Variants in CTNNA3 observed in about 807,000 individuals in gnomAD.
CTNNA3 encodes the protein catenin alpha 3.
CTNNA3 carries 76 observed loss-of-function variants against 95.7 expected under a neutral mutation model. That is an observed-to-expected ratio of 0.79 (90% CI 0.66 to 0.96). The LOEUF (loss-of-function observed/expected upper bound fraction) is 0.96, where lower values mean the gene tolerates loss of function less well. CTNNA3 is among the 40% of genes least tolerant of loss of function. CTNNA3 has a pLI of 0.00. For missense variants in CTNNA3, 1,191 were observed against 1,089.8 expected (o/e 1.09, Z -1.31); for synonymous variants, 431 against 374.4 (o/e 1.15, Z -1.74).
chr10:67,608,250 A>T (rs1416779751), intron 2 of CTNNA3, among the ~76,000 whole-genome samples: 1 of 152,200 alleles, frequency 6.6e-6, no homozygotes, highest in African/African-American at 2.4e-5. Context: ...TCCCTCTCCT[A>T]ATATTAGTTA....
chr10:66,257,990 C>T (rs934751323), intron 13 of CTNNA3, among the ~76,000 whole-genome samples: 1 of 152,104 alleles, frequency 6.6e-6, no homozygotes, highest in Non-Finnish European at 1.5e-5. Flanking sequence ...TTTTGAATGG[C>T]AAATAACTTA....
chr10:66,065,151 AG>A (rs1473324050), intron 15 of CTNNA3, among the ~76,000 whole-genome samples: 1 of 152,180 alleles, frequency 6.6e-6, no homozygotes, highest in African/African-American at 2.4e-5. Context: ...TGGCCAAAAA[AG>A]GCTAATCTGA....
At chr10:67,511,475 C>T (rs1003994225) in intron 5 of CTNNA3, among the ~76,000 whole-genome samples, 1 of 152,114 alleles carries the variant, frequency 6.6e-6, no homozygotes, top group Non-Finnish European at 1.5e-5. Context: ...GTAGTCGGTT[C>T]TGTTTATGTG....
At chr10:67,231,026 G>T (rs1049160594) in intron 5 of CTNNA3, among the ~76,000 whole-genome samples, 1 of 152,174 alleles carries the variant, frequency 6.6e-6, no homozygotes, top group Non-Finnish European at 1.5e-5. Context: ...AGGGTCCTAC[G>T]CCCACCGAGT....
At chr10:65,937,939 C>A (rs1021255854) in intron 17 of CTNNA3, among the ~76,000 whole-genome samples, 2 of 152,018 alleles carry the variant, frequency 1.3e-5, no homozygotes, top group Non-Finnish European at 2.9e-5. Flanking sequence ...AAAACAGGTT[C>A]AGATGGACTG....
At chr10:66,776,861 T>C (rs1200628357) in intron 7 of CTNNA3, among the ~76,000 whole-genome samples, 3 of 152,206 alleles carry the variant, frequency 2.0e-5, no homozygotes, top group African/African-American at 7.2e-5. Context: ...AGAATCCTGA[T>C]ATTGGCAAAT....
intron 11 of CTNNA3, among the ~76,000 whole-genome samples, chr10:66,459,307 A>G (rs10997138): frequency 0.11 from 17,338 of 152,136 alleles, 1,391 homozygotes; most frequent in African/African-American, 0.23. Context: ...GTCAACAGTG[A>G]GTATGTGTAG....
At chr10:66,135,550 A>G (rs757556000) in intron 13 of CTNNA3, among the ~76,000 whole-genome samples, 5 of 152,194 alleles carry the variant, frequency 3.3e-5, no homozygotes, top group Non-Finnish European at 7.3e-5. Flanking sequence ...GAATAAAATA[A>G]AATCACTATT....
At chr10:66,282,097 T>C (rs2091503307) in intron 12 of CTNNA3, among the ~76,000 whole-genome samples, 1 of 151,908 alleles carries the variant, frequency 6.6e-6, no homozygotes, top group Admixed American at 6.6e-5. Flanking sequence ...ATGGCTATCA[T>C]CAGGGTAACT....
chr10:67,724,838 C>T (rs1309141393), intron 1 of CTNNA3, among the ~76,000 whole-genome samples: 1 of 152,122 alleles, frequency 6.6e-6, no homozygotes, highest in Non-Finnish European at 1.5e-5. Context: ...TATCCAAGTG[C>T]AGGAAGCCTA....
intron 11 of CTNNA3, among the ~76,000 whole-genome samples, chr10:66,470,844 T>C (rs1252132432): frequency 6.6e-6 from 1 of 151,790 alleles, no homozygotes; most frequent in African/African-American, 2.4e-5. Flanking sequence ...AAGAATAGAC[T>C]GCATGAGGTA....
intron 11 of CTNNA3, among the ~76,000 whole-genome samples, chr10:66,482,072 T>A (rs1232242436): frequency 7.2e-5 from 11 of 152,180 alleles, no homozygotes; most frequent in Admixed American, 7.2e-4. Flanking sequence ...GAAGATATAT[T>A]CTAGCTGAAA....
chr10:66,511,922 T>C (rs1840676221), intron 11 of CTNNA3, among the ~76,000 whole-genome samples: 1 of 151,958 alleles, frequency 6.6e-6, no homozygotes, highest in African/African-American at 2.4e-5. Flanking sequence ...TTGTTGACTT[T>C]CTGTATAGAT....
At chr10:65,929,120 G>A (rs1310430597) in intron 17 of CTNNA3, among the ~76,000 whole-genome samples, 2 of 150,154 alleles carry the variant, frequency 1.3e-5, no homozygotes, top group Non-Finnish European at 2.9e-5. Flanking sequence ...GTGAGAACAT[G>A]TGGTGTTTGG....
At chr10:67,576,481 T>C (rs1842149253) in intron 3 of CTNNA3, among the ~76,000 whole-genome samples, 1 of 152,030 alleles carries the variant, frequency 6.6e-6, no homozygotes, top group Admixed American at 6.6e-5. Flanking sequence ...CCATGAGTGG[T>C]ACACGGTAAG....
intron 13 of CTNNA3, among the ~76,000 whole-genome samples, chr10:66,142,461 C>A (rs535784752): frequency 3.9e-5 from 6 of 151,958 alleles, no homozygotes; most frequent in Non-Finnish European, 7.4e-5. Flanking sequence ...TTTTTCTTTT[C>A]TTTAAATATT....
chr10:66,011,241 C>T (rs547295688), intron 15 of CTNNA3, among the ~76,000 whole-genome samples: 1 of 152,302 alleles, frequency 6.6e-6, no homozygotes, highest in South Asian at 2.1e-4. Context: ...CTCTTCCTCC[C>T]TCTTGGCCAC....
chr10:65,965,265 A>G (rs913438826), intron 17 of CTNNA3, among the ~76,000 whole-genome samples: 2 of 152,172 alleles, frequency 1.3e-5, no homozygotes, highest in African/African-American at 2.4e-5. Flanking sequence ...ATTTACTAGT[A>G]TGACATTGGG....
At position 65,913,997 on chromosome 10, in the gene CTNNA3, G is replaced by A. The variant is rs1047267186; in HGVS notation, c.*6333C>T. On this transcript the variant is annotated 3_prime_UTR_variant, in exon 18 of 18. Coordinates refer to ENST00000433211, the MANE Select transcript of CTNNA3 (RefSeq NM_013266.4). Reference sequence around the variant, plus strand: ...TCAAAGGGGGCTTTAAATGTATAAGGAAGTGTCACAGACCTCCAACACCAA... The same window carrying A: ...TCAAAGGGGGCTTTAAATGTATAAGAAAGTGTCACAGACCTCCAACACCAA... 3.3e-5 allele frequency: 5 copies of A among 152,100 alleles called. No individual in the cohort carries two copies. Among genetic ancestry groups the A allele is most frequent in the African/African-American group, 1.2e-4 (5 of 41,446 alleles). The allele number at this position is 152,100 out of a possible 1,614,324, so 9.4% of individuals were successfully genotyped here.
Sources: allele counts gnomAD v4.1 joint callset (sites outside exome capture counted in the v4.1 genomes callset), GRCh38; gene constraint gnomAD v4.1.1; transcripts MANE v1.5; gene names NCBI Gene and HGNC (gene_info 2026-07-23, HGNC 2026-07-21).